FRY: variants seen among roughly 807,000 people sequenced by gnomAD.
FRY encodes protein furry homolog.
FRY carries 128 observed loss-of-function variants against 348.4 expected under a neutral mutation model. The observed-to-expected ratio is 0.37, with a 90% CI of 0.32 to 0.43. The LOEUF is 0.43. FRY is among the 20% of genes least tolerant of loss of function. The probability of loss-of-function intolerance (pLI) is 1.00; values close to 1 mark genes in which losing one functional copy is unlikely to be tolerated. For synonymous variants in FRY, 1,370 were observed against 1,374.7 expected (o/e 1.00, Z 0.08); for missense variants, 2,736 against 3,695.2 (o/e 0.74, Z 6.73).
intron 7 of FRY, among the ~76,000 whole-genome samples, chr13:32,125,953 T>G (rs560099184): frequency 2.6e-5 from 4 of 152,258 alleles, no homozygotes; most frequent in South Asian, 4.1e-4. Context: ...AAAGCATACA[T>G]AAGAATTAAA....
Position 32,295,243 on chromosome 13 carries a change from A to G in FRY, c.8825A>G (p.Asp2942Gly). 2 of 1,613,848 alleles carry G rather than the reference A, an allele frequency of 1.2e-6. No homozygotes were observed. Among genetic ancestry groups the G allele is most frequent in the East Asian group, 2.2e-5 (1 of 44,876 alleles). Residue 2942 changes from aspartate to glycine, a missense_variant, in exon 61 of 61, where the codon GAT becomes GGT. Physicochemically the swap from Asp to Gly is moderately conservative, Grantham distance 94 (BLOSUM62 -1). Transcript: ENST00000542859. ...PNDIFGSSSD[D>G]EVQTLLNIYF... ...GACATCTTTGGAAGCAGTTCTGATG[A>G]TGAGGTCCAGACACTACTGAATATT...
In FRY at chr13:32,158,637, G is replaced by A. The variant is rs953953888; in HGVS notation, c.1784+1232G>A. Among the ~76,000 whole-genome samples the A allele has an allele frequency of 5.9e-5, 9 of 152,108 alleles. No individual in the cohort carries two copies. The East Asian group carries it at 7.7e-4, about 13-fold the overall frequency. On this transcript the variant is annotated intron_variant, in intron 16 of 60. Coordinates refer to ENST00000542859, the MANE Select transcript of FRY (RefSeq NM_023037.3). The stretch of plus-strand genomic sequence containing the variant: ...GTAGAAGATATAAAAAATGCATTAC[G>A]CCAGGCATGGTGGCTCACACCTGTA...
intron 46 of FRY, among the ~76,000 whole-genome samples, chr13:32,240,303 A>C: frequency 6.6e-6 from 1 of 152,234 alleles, no homozygotes; most frequent in East Asian, 1.9e-4. Flanking sequence ...TCCAAAGCTT[A>C]AACTCCTTCT....
At chr13:32,063,096 C>G (rs1003891530) in intron 1 of FRY, among the ~76,000 whole-genome samples, 1 of 152,182 alleles carries the variant, frequency 6.6e-6, no homozygotes, top group Non-Finnish European at 1.5e-5. Flanking sequence ...TCACCCTCTG[C>G]ATCATGTAAT....
chr13:32,112,928 G>A (rs1253900305), intron 3 of FRY, among the ~76,000 whole-genome samples: 1 of 152,118 alleles, frequency 6.6e-6, no homozygotes, highest in Non-Finnish European at 1.5e-5. Context: ...GTGTTAGTCA[G>A]CATTGCTTTA....
intron 2 of FRY, 42 bp downstream of exon 2, chr13:32,079,075 T>C: frequency 7.8e-7 from 1 of 1,280,574 alleles, no homozygotes; most frequent in Non-Finnish European, 1.1e-6. Context: ...AAAATTCATC[T>C]GTATGCTGAA....
intron 46 of FRY, 58 bp from the exon 47 acceptor site, chr13:32,243,984 G>A: frequency 1.3e-6 from 2 of 1,586,482 alleles, no homozygotes; most frequent in Non-Finnish European, 1.7e-6. Context: ...GAAAACACGG[G>A]TCCTTCCATA....
chr13:32,086,142 C>T (rs926066741), intron 2 of FRY: 6 of 392,238 alleles, frequency 1.5e-5, no homozygotes, highest in African/African-American at 6.3e-5. Flanking sequence ...AAATAAGAAC[C>T]GCATAATGGC....
intron 15 of FRY, 29 bp downstream of exon 15, chr13:32,155,691 G>A: frequency 6.6e-7 from 1 of 1,524,558 alleles, no homozygotes; most frequent in Non-Finnish European, 9.0e-7. Context: ...TAAGAACTAA[G>A]CCTTATTAAG....
At chr13:32,282,716 A>G (rs927369916) in intron 58 of FRY, among the ~76,000 whole-genome samples, 1 of 152,248 alleles carries the variant, frequency 6.6e-6, no homozygotes, top group African/African-American at 2.4e-5. Flanking sequence ...TTCTATTCTT[A>G]ACATAAAGTT....
chr13:32,088,579 G>A (rs191311075), intron 2 of FRY, among the ~76,000 whole-genome samples: 3 of 152,276 alleles, frequency 2.0e-5, no homozygotes, highest in East Asian at 1.9e-4. Context: ...TTTATCATGA[G>A]TATGCTTGGA....
chr13:32,274,520 C>G (rs749290655), intron 55 of FRY, among the ~76,000 whole-genome samples: 1 of 151,558 alleles, frequency 6.6e-6, no homozygotes, highest in Non-Finnish European at 1.5e-5. Flanking sequence ...CTGGCTAACA[C>G]AGTGAAACCC....
At chr13:32,268,217 A>G (rs1217224088) in intron 55 of FRY, among the ~76,000 whole-genome samples, 1 of 152,164 alleles carries the variant, frequency 6.6e-6, no homozygotes, top group Non-Finnish European at 1.5e-5. Flanking sequence ...TCTTTCTGTA[A>G]ACTTTTGTCC....
At chr13:32,264,148 A>G (rs2056934796) in intron 53 of FRY, among the ~76,000 whole-genome samples, 1 of 152,188 alleles carries the variant, frequency 6.6e-6, no homozygotes, top group Non-Finnish European at 1.5e-5. Context: ...GAGAAAATAA[A>G]ATGTATTTTA....
chr13:32,251,755 A>G (rs1887094567), intron 49 of FRY, 123 bp from the exon 50 acceptor site: 2 of 728,506 alleles, frequency 2.7e-6, no homozygotes, highest in South Asian at 1.5e-5. Context: ...ACTTTTGTGT[A>G]TTTTACATTT....
At chr13:32,038,640 A>G (rs1872637518) in intron 1 of FRY, 1 of 152,168 alleles carries the variant, frequency 6.6e-6, no homozygotes, top group South Asian at 2.1e-4. Flanking sequence ...ACTGCCAGCT[A>G]TGTGAATAAG....
At chr13:32,262,613 T>A in intron 53 of FRY, 138 bp downstream of exon 53, 1 of 731,818 alleles carries the variant, frequency 1.4e-6, no homozygotes, top group Non-Finnish European at 2.3e-6. Context: ...TTTTTTAAAA[T>A]AATAGAAGTT....
rs1227045234 is a variant in FRY at position 32,237,621 on chromosome 13, C to T, written c.6053C>T (p.Thr2018Ile). 6.2e-7 allele frequency: 1 copy of T among 1,614,054 alleles called. No homozygotes were observed. Among genetic ancestry groups the T allele is most frequent in the Non-Finnish European group, 8.5e-7 (1 of 1,180,012 alleles). ...ACTQQGLSSK[T>I]RSSSSLKDSL... The stretch of plus-strand genomic sequence containing the variant: ...ACCCAACAAGGCCTCTCCTCAAAAA[C>T]CAGAAGCTCATCCTCCTTGAAGGAC... The change falls in exon 44 of 61, where the codon ACC (threonine) becomes ATC (isoleucine). Residue 2018 changes from threonine to isoleucine, a missense_variant. Physicochemically the swap from Thr to Ile is moderately conservative, Grantham distance 89. Around this residue, in one of 9 missense-constraint regions of FRY, gnomAD observed 789 missense variants for 996.2 expected, o/e 0.79. Transcript: ENST00000542859. The surrounding 1 kb of genome is among the most constrained non-coding windows in gnomAD (Gnocchi z 6.3).
intron 53 of FRY, among the ~76,000 whole-genome samples, chr13:32,265,056 A>G (rs938100491): frequency 6.6e-6 from 1 of 152,220 alleles, no homozygotes; most frequent in African/African-American, 2.4e-5. Flanking sequence ...CCCAGCTCCA[A>G]TTCTAAGTAT....
Sources: gnomAD v4.1 joint callset for allele counts (sites outside exome capture counted in the v4.1 genomes callset) on GRCh38, gnomAD v4.1.1 for gene constraint, gnomAD v4.1.1 regional missense constraint, Gnocchi (gnomAD v3.1) non-coding constraint, MANE v1.5 for transcripts, NCBI Gene and HGNC (gene_info 2026-07-23, HGNC 2026-07-21) for gene names.